LHFPL4: variants seen among roughly 807,000 people sequenced by gnomAD.
LHFPL4 encodes LHFPL tetraspan subfamily member 4 protein.
Under a neutral mutation model 20.0 loss-of-function variants are expected in LHFPL4, and 6 were observed. That is an observed-to-expected ratio of 0.30 (90% CI 0.16 to 0.59). The LOEUF (loss-of-function observed/expected upper bound fraction) is 0.59. Ranked by LOEUF, LHFPL4 falls within the 20% of genes least tolerant of loss-of-function variation. The pLI is 0.88. For missense variants in LHFPL4, 215 were observed against 331.2 expected, an observed-to-expected ratio of 0.65 and a Z score of 2.72; for synonymous variants, 129 against 143.8, an observed-to-expected ratio of 0.90 and a Z score of 0.74.
intron 3 of LHFPL4, among the ~76,000 whole-genome samples, chr3:9,503,198 G>A (rs1033042307): frequency 6.6e-6 from 1 of 152,044 alleles, no homozygotes; most frequent in Non-Finnish European, 1.5e-5. Context: ...AGTGAGGGAC[G>A]GAGACTCCCT....
At chr3:9,520,424 G>T (rs898460563) in intron 2 of LHFPL4, among the ~76,000 whole-genome samples, 1 of 152,040 alleles carries the variant, frequency 6.6e-6, no homozygotes, top group Admixed American at 6.6e-5. Flanking sequence ...TGCAATCTCG[G>T]CTCACTACAA....
At chr3:9,516,406 T>A (rs1023180721) in intron 2 of LHFPL4, among the ~76,000 whole-genome samples, 11 of 152,240 alleles carry the variant, frequency 7.2e-5, no homozygotes, top group Middle Eastern at 3.4e-3. Context: ...TATGTGGGTC[T>A]GTTTCTGGGC....
intron 2 of LHFPL4, among the ~76,000 whole-genome samples, chr3:9,513,427 G>T (rs2046275479): frequency 6.6e-6 from 1 of 151,952 alleles, no homozygotes; most frequent in Non-Finnish European, 1.5e-5. Context: ...GAACTCCTGG[G>T]TTCAGGTGCT....
Position 9,521,287 on chromosome 3 carries a change from C to T in LHFPL4, c.407-15084G>A, listed in dbSNP as rs372235385. 6.5e-4 allele frequency among the ~76,000 whole-genome samples: 97 copies of T among 148,722 alleles called. 1 individual carries two copies. The South Asian group carries it at 9.1e-3, about 14-fold the overall frequency. On this transcript the variant is annotated intron_variant, in intron 2 of 3. Coordinates refer to ENST00000287585, the MANE Select transcript of LHFPL4 (RefSeq NM_198560.3). Reference sequence around the variant, plus strand: ...TTGCCCAGGCTGGAGTGCAGTGGTACGATCATAGCTCACTGCAGCCTTGAC... The same window carrying T: ...TTGCCCAGGCTGGAGTGCAGTGGTATGATCATAGCTCACTGCAGCCTTGAC...
chr3:9,504,240 A>C (rs567878705), intron 3 of LHFPL4, among the ~76,000 whole-genome samples: 1 of 151,190 alleles, frequency 6.6e-6, no homozygotes, highest in Non-Finnish European at 1.5e-5. Context: ...GTGTGGTGGC[A>C]ACATGCCTGT....
At chr3:9,543,415 C>T (rs754818368) in intron 2 of LHFPL4, among the ~76,000 whole-genome samples, 2 of 151,644 alleles carry the variant, frequency 1.3e-5, no homozygotes, top group African/African-American at 2.4e-5. Context: ...GAAGGAGAAT[C>T]GCAGAACCCA....
chr3:9,530,386 T>C (rs1263933720), intron 2 of LHFPL4, among the ~76,000 whole-genome samples: 1 of 152,220 alleles, frequency 6.6e-6, no homozygotes, highest in Non-Finnish European at 1.5e-5. Context: ...TGGAAATGGC[T>C]TATTTTATTA....
At chr3:9,511,328 G>A (rs1329043380) in intron 2 of LHFPL4, among the ~76,000 whole-genome samples, 1 of 151,274 alleles carries the variant, frequency 6.6e-6, no homozygotes, top group South Asian at 2.1e-4. Flanking sequence ...TCCAGCCTGG[G>A]CGACAGAGCT....
At chr3:9,551,624 G>T (rs1186645897) in intron 2 of LHFPL4, among the ~76,000 whole-genome samples, 2 of 152,138 alleles carry the variant, frequency 1.3e-5, no homozygotes, top group Admixed American at 6.6e-5. Context: ...ATGGTGCAGG[G>T]GTGGGAGTGG....
In LHFPL4 at chr3:9,538,363, C is replaced by G. The variant is rs575073455; in HGVS notation, c.406+13911G>C. 6.6e-5 allele frequency among the ~76,000 whole-genome samples: 10 copies of G among 152,300 alleles called. No homozygotes were observed. In the South Asian group the frequency reaches 1.9e-3, roughly 28 times the overall value. ...CTGTCAAGGCCCTCCATAAGCCAGC[C>G]CTAACTACTTCTCCAGGCTCCTCTC... is the stretch of plus-strand genomic sequence containing the variant. On this transcript the variant is annotated intron_variant, in intron 2 of 3. Transcript: ENST00000287585.
At chr3:9,515,290 A>G (rs1299170529) in intron 2 of LHFPL4, among the ~76,000 whole-genome samples, 2 of 152,180 alleles carry the variant, frequency 1.3e-5, no homozygotes, top group Non-Finnish European at 2.9e-5. Context: ...TGCCATCTGT[A>G]TATCTTCCTT....
chr3:9,539,146 C>T (rs2046461792), intron 2 of LHFPL4, among the ~76,000 whole-genome samples: 2 of 152,056 alleles, frequency 1.3e-5, no homozygotes, highest in Admixed American at 1.3e-4. Flanking sequence ...TGATCCAGGG[C>T]ACTCATAATG....
At chr3:9,545,918 AAAAG>A (rs2046508968) in intron 2 of LHFPL4, among the ~76,000 whole-genome samples, 1 of 151,856 alleles carries the variant, frequency 6.6e-6, no homozygotes, top group African/African-American at 2.4e-5. Context: ...CAAATAAAAG[AAAAG>A]AAAGAAAGAA....
intron 2 of LHFPL4, among the ~76,000 whole-genome samples, chr3:9,520,510 C>T (rs532943774): frequency 1.2e-3 from 188 of 152,096 alleles, no homozygotes; most frequent in African/African-American, 4.2e-3. Context: ...CGTGCCACCA[C>T]GCCCAGCTAA....
At chr3:9,523,431 G>GT (rs2125660604) in intron 2 of LHFPL4, among the ~76,000 whole-genome samples, 1 of 149,108 alleles carries the variant, frequency 6.7e-6, no homozygotes, top group African/African-American at 2.5e-5. Flanking sequence ...AAGTCTGTTT[G>GT]TTTGTTTTGA....
chr3:9,542,803 T>A (rs1039453237), intron 2 of LHFPL4, among the ~76,000 whole-genome samples: 3 of 121,798 alleles, frequency 2.5e-5, no homozygotes, highest in Non-Finnish European at 3.3e-5. Flanking sequence ...CAAGGCCCTA[T>A]CTCAAAAAAA....
intron 2 of LHFPL4, among the ~76,000 whole-genome samples, chr3:9,540,643 C>G (rs544490053): frequency 6.6e-6 from 1 of 152,094 alleles, no homozygotes; most frequent in South Asian, 2.1e-4. Context: ...CCTGTCATCC[C>G]AGCAATTTGA....
chr3:9,514,270 CAAA>C (rs1389673424), intron 2 of LHFPL4, among the ~76,000 whole-genome samples: 1 of 151,850 alleles, frequency 6.6e-6, no homozygotes, highest in East Asian at 1.9e-4. Flanking sequence ...CTTGTTTCCA[CAAA>C]AAAATTAAAA....
intron 2 of LHFPL4, among the ~76,000 whole-genome samples, chr3:9,526,192 C>G (rs1433014894): frequency 1.3e-5 from 2 of 151,894 alleles, no homozygotes; most frequent in African/African-American, 4.8e-5. Flanking sequence ...TTCACAGAGA[C>G]AGAAGGTGAA....
Sources: allele counts gnomAD v4.1 joint callset (sites outside exome capture counted in the v4.1 genomes callset), GRCh38; gene constraint gnomAD v4.1.1; transcripts MANE v1.5; gene names NCBI Gene and HGNC (gene_info 2026-07-23, HGNC 2026-07-21).